Variants in RASA4 observed in about 807,000 individuals in gnomAD.
RASA4 encodes the protein RAS p21 protein activator 4.
A neutral mutation model predicts 24.0 loss-of-function variants in RASA4; 5 were observed. That is an observed-to-expected ratio of 0.21 (90% CI 0.11 to 0.44). The LOEUF is 0.44. Ranked by LOEUF, RASA4 falls within the 20% of genes least tolerant of loss-of-function variation. RASA4 has a pLI of 0.99. For synonymous variants in RASA4, 9 were observed against 132.7 expected (o/e 0.07, Z 6.41); for missense variants, 38 against 293.0 (o/e 0.13, Z 6.35).
chr7:102,614,363 C>CATT (rs1790983132), intron 1 of RASA4, among the ~76,000 whole-genome samples: 2 of 111,998 alleles, frequency 1.8e-5, no homozygotes, highest in Admixed American at 1.9e-4. Context: ...CTTTCACTTC[C>CATT]TGAGCCTCAG....
At chr7:102,616,755 CTGGGCGCCGCAGG>C (rs1791021385) in exon 1 of RASA4, 1 of 867,572 alleles carries the variant, frequency 1.2e-6, no homozygotes, top group African/African-American at 2.4e-5. Context: ...GGGCGCTGGA[CTGGGCGCCGCAGG>C]TGGGGCGGGC....
chr7:102,596,206 T>C (rs1790217988), intron 8 of RASA4, 77 bp from the exon 9 acceptor site: 1 of 1,309,240 alleles, frequency 7.6e-7, no homozygotes, highest in African/African-American at 1.4e-5. Flanking sequence ...GGCCTCCAGT[T>C]TTTTCCCTTG....
chr7:102,608,129 CA>C, intron 4 of RASA4, among the ~76,000 whole-genome samples: 1 of 105,910 alleles, frequency 9.4e-6, no homozygotes, highest in South Asian at 3.7e-4. Context: ...CCACCACGCC[CA>C]GCTAATTTTT....
intron 16 of RASA4, among the ~76,000 whole-genome samples, chr7:102,591,106 G>GC (rs1180008664): frequency 6.2e-5 from 5 of 80,558 alleles, no homozygotes; most frequent in South Asian, 3.4e-4. Context: ...AGCATAGCAA[G>GC]ACCCCATCTC....
rs1586830016 is a variant in RASA4 at position 102,580,838 on chromosome 7, G to T, written c.*1933C>A. Reference sequence around the variant, plus strand: ...AGCCTGGGCAACACAGTGAGACTCTGTCTCAAAAAAAAAAAAAAAAAAAAA... The same window carrying T: ...AGCCTGGGCAACACAGTGAGACTCTTTCTCAAAAAAAAAAAAAAAAAAAAA... On this transcript the variant is annotated 3_prime_UTR_variant, in exon 21 of 21. Transcript: ENST00000262940. 2 of 59,478 alleles carry T rather than the reference G, an allele frequency of 3.4e-5. No individual in the cohort carries two copies. Among genetic ancestry groups the T allele is most frequent in the Admixed American group, 2.5e-4 (1 of 4,024 alleles). 3.7% of individuals were successfully genotyped at this position (59,478 alleles called of 1,614,324 possible).
Position 102,605,871 on chromosome 7 carries a change from C to G in RASA4, c.415G>C (p.Val139Leu). 1 of 1,569,936 alleles carries G rather than the reference C, an allele frequency of 6.4e-7. No individual in the cohort carries two copies. The highest frequency in any genetic ancestry group is 8.6e-7 in the Non-Finnish European group (1 of 1,156,792). The change falls in exon 5 of 21, where the codon GTG becomes CTG. Residue 139 changes from valine (V) to leucine (L), a missense_variant. Val to Leu is a conservative substitution (Grantham distance 32). Coordinates refer to ENST00000262940, the MANE Select transcript of RASA4 (RefSeq NM_006989.6). ...GARACRLRCS[V>L]LEARDLAPKD... is the part of the protein sequence containing the mutation. ...CCTGAGTCTCACCTGGCCTCCAGCA[C>G]AGAGCAGCGTAGCCGGCAGGCCCGG...
chr7:102,599,474 A>C (rs1790354560), intron 8 of RASA4, among the ~76,000 whole-genome samples: 1 of 74,566 alleles, frequency 1.3e-5, no homozygotes, highest in Non-Finnish European at 2.9e-5. Context: ...TGTCTCTACT[A>C]AAAATGCAAA....
At chr7:102,614,365 G>GC (rs1790983353) in intron 1 of RASA4, among the ~76,000 whole-genome samples, 2 of 110,938 alleles carry the variant, frequency 1.8e-5, no homozygotes, top group Admixed American at 1.9e-4. Context: ...TTCACTTCCT[G>GC]AGCCTCAGTT....
intron 16 of RASA4, among the ~76,000 whole-genome samples, chr7:102,591,698 C>T (rs1790002698): frequency 6.8e-6 from 1 of 147,480 alleles, no homozygotes; most frequent in Non-Finnish European, 1.5e-5. Flanking sequence ...CATCTAGCAG[C>T]CCAGGTGATA....
intron 2 of RASA4, among the ~76,000 whole-genome samples, chr7:102,610,428 A>C (rs1790789120): frequency 7.0e-6 from 1 of 143,226 alleles, no homozygotes; most frequent in Non-Finnish European, 1.6e-5. Flanking sequence ...TGGGTGAAGG[A>C]AGGGAGAGGA....
chr7:102,611,817 TA>T (rs1204976695), intron 1 of RASA4, among the ~76,000 whole-genome samples: 5 of 4,126 alleles, frequency 1.2e-3, no homozygotes, highest in East Asian at 0.015. Context: ...AGGGAGGGAG[TA>T]AAGAGGGAGG....
rs1351938283 is a variant in RASA4, at chr7:102,580,085, G to C, written c.*2686C>G. The stretch of plus-strand genomic sequence containing the variant: ...GGCATGTGCCACTGTGCCCAGCCAA[G>C]TGCAGTATCTTATCACACCTTTAAA... On this transcript the variant is annotated 3_prime_UTR_variant, in exon 21 of 21. Coordinates refer to ENST00000262940, the MANE Select transcript of RASA4 (RefSeq NM_006989.6). 3.1e-6 allele frequency: 1 copy of C among 324,136 alleles called. No homozygotes were observed. The highest frequency in any genetic ancestry group is 2.2e-5 in the African/African-American group (1 of 45,946). The allele number at this position is 324,136 out of a possible 1,614,324, so 20.1% of individuals were successfully genotyped here.
chr7:102,606,679 A>C (rs1292331361), intron 4 of RASA4, among the ~76,000 whole-genome samples: 7 of 106,202 alleles, frequency 6.6e-5, no homozygotes, highest in Non-Finnish European at 1.5e-4. Context: ...ATCTCAAAAA[A>C]AAAAAAAAAA....
intron 16 of RASA4, among the ~76,000 whole-genome samples, chr7:102,590,927 C>G (rs1269892404): frequency 7.1e-6 from 1 of 141,626 alleles, no homozygotes; most frequent in Non-Finnish European, 1.5e-5. Flanking sequence ...GCAACAAAAG[C>G]GAAACTCCAT....
intron 5 of RASA4, among the ~76,000 whole-genome samples, chr7:102,605,352 G>C (rs1790592380): frequency 9.1e-6 from 1 of 110,188 alleles, no homozygotes; most frequent in Non-Finnish European, 2.2e-5. Flanking sequence ...ATCCCCTTGA[G>C]TGGAAATCAC....
chr7:102,591,105 A>AG (rs1789975944), intron 16 of RASA4, among the ~76,000 whole-genome samples: 1 of 85,374 alleles, frequency 1.2e-5, no homozygotes, highest in Non-Finnish European at 2.2e-5. Flanking sequence ...CAGCATAGCA[A>AG]GACCCCATCT....
rs1586835430 is a variant in RASA4, at chr7:102,589,840, G to T, written c.1968+319C>A. Among the ~76,000 whole-genome samples, 2 of 32,198 alleles carry T rather than the reference G, an allele frequency of 6.2e-5. 1 individual carries two copies. The highest frequency in any genetic ancestry group is 1.1e-3 in the East Asian group (2 of 1,786). 21.1% of individuals were successfully genotyped at this position (32,198 alleles called of 152,430 possible). A position where few individuals can be genotyped will look rare whatever the true frequency, so the allele number is the denominator to read the frequency against. On this transcript the variant is annotated intron_variant, in intron 17 of 20. Coordinates refer to ENST00000262940, the MANE Select transcript of RASA4 (RefSeq NM_006989.6). ...TGCGGTGCCTGATGTAGCTGGTAGC[G>T]GGGCGAGAAGCTCAATCAACTCTTT...
chr7:102,605,258 C>A lies in RASA4; in HGVS notation c.428+600G>T, dbSNP rs1208394342. On this transcript the variant is annotated intron_variant, in intron 5 of 20. Coordinates refer to ENST00000262940, the MANE Select transcript of RASA4 (RefSeq NM_006989.6). ...AGGCTGTGTGATCAGAGTTCGGGGT[C>A]TCCTCACCCGTACCCCCTACTCCAC... 7.0e-5 allele frequency among the ~76,000 whole-genome samples: 9 copies of A among 128,904 alleles called. No homozygotes were observed. In the East Asian group the frequency reaches 1.3e-3, roughly 19 times the overall value. The allele number at this position is 128,904 out of a possible 152,430, so 84.6% of individuals were successfully genotyped here. A position where few individuals can be genotyped will look rare whatever the true frequency, so the allele number is the denominator to read the frequency against.
intron 6 of RASA4, among the ~76,000 whole-genome samples, chr7:102,601,628 A>G (rs1405788204): frequency 0.13 from 262 of 1,988 alleles, 4 homozygotes; most frequent in Admixed American, 0.17. Flanking sequence ...AAAACAAACA[A>G]AAAACACAGG....
Sources: gnomAD v4.1 joint callset for allele counts (sites outside exome capture counted in the v4.1 genomes callset) on GRCh38, gnomAD v4.1.1 for gene constraint, MANE v1.5 for transcripts, NCBI Gene and HGNC (gene_info 2026-07-23, HGNC 2026-07-21) for gene names.